Variants in ERICH1 observed in about 807,000 individuals in gnomAD.
ERICH1 encodes the protein glutamate-rich protein 1.
Under a neutral mutation model 39.6 loss-of-function variants are expected in ERICH1, and 56 were observed. The observed-to-expected ratio is 1.41, with a 90% confidence interval of 1.14 to 1.77. The LOEUF is 1.77. ERICH1 is among the 40% of genes most tolerant of loss of function. The probability of loss-of-function intolerance (pLI) is 0.00; values close to 1 mark genes in which losing one functional copy is unlikely to be tolerated. For synonymous variants in ERICH1, 313 were observed against 223.6 expected (o/e 1.40, Z -3.57); for missense variants, 826 against 575.4 (o/e 1.44, Z -4.45).
At position 650,068 on chromosome 8, in the gene ERICH1, C is replaced by G. The variant is rs938903550; in HGVS notation, c.976+18530G>C. ...ACCTGCGTGTCCTGCTCTCGGCTTT[C>G]GTGCCGGTTCAGAAGAACAAGGCCG... On this transcript the variant is annotated intron_variant, in intron 3 of 3. Coordinates refer to the ERICH1 transcript ENST00000522706. Among the ~76,000 whole-genome samples, 3 of 152,236 alleles carry G rather than the reference C, an allele frequency of 2.0e-5. No homozygotes were observed. In the South Asian group the frequency reaches 6.2e-4, roughly 31 times the overall value.
intron 3 of ERICH1, among the ~76,000 whole-genome samples, chr8:652,712 C>T (rs1800130064): frequency 1.3e-5 from 2 of 152,092 alleles, no homozygotes; most frequent in South Asian, 4.1e-4. Context: ...CTTGGAGAGA[C>T]CAGGGGCACA....
intron 3 of ERICH1, among the ~76,000 whole-genome samples, chr8:677,032 T>C (rs1425968198): frequency 6.6e-6 from 1 of 152,208 alleles, no homozygotes; most frequent in African/African-American, 2.4e-5. Context: ...CGGTTTCCTA[T>C]TCTCCTCTGT....
intron 3 of ERICH1, among the ~76,000 whole-genome samples, chr8:619,098 G>T (rs574850066): frequency 5.0e-4 from 76 of 152,180 alleles, no homozygotes; most frequent in Admixed American, 1.8e-3. Context: ...GAAAATGGAA[G>T]CTCTGCTCTC....
At chr8:651,832 G>A (rs1455800180) in intron 3 of ERICH1, among the ~76,000 whole-genome samples, 2 of 152,142 alleles carry the variant, frequency 1.3e-5, no homozygotes, top group South Asian at 2.1e-4. Flanking sequence ...CTCGGAAATC[G>A]GTGAGGAAAG....
intron 3 of ERICH1, among the ~76,000 whole-genome samples, chr8:689,648 T>G (rs537897729): frequency 9.6e-4 from 146 of 152,258 alleles, no homozygotes; most frequent in African/African-American, 3.3e-3. Flanking sequence ...CATTTTCTTC[T>G]AAAAATTACA....
At chr8:629,038 A>C (rs2117084932) in intron 3 of ERICH1, among the ~76,000 whole-genome samples, 1 of 152,268 alleles carries the variant, frequency 6.6e-6, no homozygotes, top group South Asian at 2.1e-4. Flanking sequence ...GGCCATGCAA[A>C]CCCAGACAGC....
chr8:731,210 A>T lies in ERICH1; in HGVS notation c.-49T>A. The T allele has an allele frequency of 7.0e-7, 1 of 1,421,374 alleles. No homozygotes were observed. Among genetic ancestry groups the T allele is most frequent in the Non-Finnish European group, 9.2e-7 (1 of 1,088,902 alleles). 88.0% of individuals were successfully genotyped at this position (1,421,374 alleles called of 1,614,324 possible). A position where few individuals can be genotyped will look rare whatever the true frequency, so the allele number is the denominator to read the frequency against. On this transcript the variant is annotated 5_prime_UTR_variant, in exon 1 of 6. Transcript: ENST00000262109. ...GACCACGGCGCGCGGTCCTGAGCTG[A>T]GCGCCGTGCCTTCCGGGTTCCGCCC...
intron 2 of ERICH1, among the ~76,000 whole-genome samples, chr8:704,641 G>T (rs574458103): frequency 6.6e-6 from 1 of 152,132 alleles, no homozygotes; most frequent in African/African-American, 2.4e-5. Context: ...AAATCATATT[G>T]GAAGGACGGG....
Position 664,626 on chromosome 8 carries a change from G to A in ERICH1, c.1309C>T (p.Leu437Phe), listed in dbSNP as rs780900867. Reference protein sequence around the residue: ...AFFSYWITHILPEKSSD With the variant: ...AFFSYWITHIFPEKSSD ...TTTTAGTCACTGCTCTTCTCAGGAA[G>A]GATATGTGTGATCCAGTAACTAAAG... The change falls in exon 6 of 6, where the codon CTT (leucine) becomes TTT (phenylalanine). Residue 437 changes from leucine (L) to phenylalanine (F), a missense_variant. By Grantham distance (22) the Leu-to-Phe change is conservative. Coordinates refer to ENST00000262109, the MANE Select transcript of ERICH1 (RefSeq NM_207332.3). The A allele has an allele frequency of 1.2e-6, 2 of 1,612,828 alleles. No homozygotes were observed. The highest frequency in any genetic ancestry group is 4.5e-5 in the East Asian group (2 of 44,850).
At chr8:617,420 G>T (rs1348234737) in intron 3 of ERICH1, among the ~76,000 whole-genome samples, 1 of 152,178 alleles carries the variant, frequency 6.6e-6, no homozygotes, top group East Asian at 1.9e-4. Context: ...CTACCTGCGT[G>T]TTTATCCATT....
intron 3 of ERICH1, among the ~76,000 whole-genome samples, chr8:690,543 T>G (rs1401084341): frequency 1.3e-5 from 2 of 152,228 alleles, no homozygotes; most frequent in Non-Finnish European, 2.9e-5. Context: ...CTAGATGGCC[T>G]CCGGGAGGGT....
chr8:706,633 G>C (rs529036032), intron 2 of ERICH1, among the ~76,000 whole-genome samples: 81 of 152,208 alleles, frequency 5.3e-4, no homozygotes, highest in Non-Finnish European at 9.9e-4. Context: ...AAAAAAATTA[G>C]TCGGACGTGG....
In ERICH1 at chr8:666,372, C is replaced by T. The variant is rs76540141; in HGVS notation, c.1259-1696G>A. On this transcript the variant is annotated intron_variant, in intron 5 of 5. Transcript: ENST00000262109. ...ACATAATAAAATCAGCTTTTTTTTGCGGTTTGAGATAAATCTGATTATGGA... is the reference window on the plus strand; with the variant it reads ...ACATAATAAAATCAGCTTTTTTTTGTGGTTTGAGATAAATCTGATTATGGA... 3.6e-3 allele frequency: 547 copies of T among 152,082 alleles called. 9 individuals carry two copies. Among genetic ancestry groups the T allele is most frequent in the Admixed American group, 0.026 (403 of 15,288 alleles). 9.4% of individuals were successfully genotyped at this position (152,082 alleles called of 1,614,324 possible).
Position 619,976 on chromosome 8 carries a change from A to G in ERICH1, c.977-4692T>C, listed in dbSNP as rs1584930478. Among the ~76,000 whole-genome samples, 3 of 152,340 alleles carry G rather than the reference A, an allele frequency of 2.0e-5. No individual in the cohort carries two copies. In the East Asian group the frequency reaches 5.8e-4, roughly 29 times the overall value. ...CATTATAAAATAGCCACTTAATATG[A>G]AAAAGCAATAAAAGAAAATGGAGGA... On this transcript the variant is annotated intron_variant, in intron 3 of 3. Transcript: ENST00000522706.
rs1554526139 is a variant in ERICH1, at chr8:708,680, A to AGTTTTTT, written c.169+7174_169+7180dup. Among the ~76,000 whole-genome samples, 305 of 55,072 alleles carry AGTTTTTT rather than the reference A, an allele frequency of 5.5e-3. 4 individuals carry two copies. Among genetic ancestry groups the AGTTTTTT allele is most frequent in the South Asian group, 0.029 (31 of 1,084 alleles). 36.1% of individuals were successfully genotyped at this position (55,072 alleles called of 152,430 possible). On this transcript the variant is annotated intron_variant, in intron 2 of 5. Coordinates refer to ENST00000262109, the MANE Select transcript of ERICH1 (RefSeq NM_207332.3). ...GGGGCTGAGTGGTTACGGGATAATG[A>AGTTTTTT]GTTTTTTTTTTTTTTTTTTTTTTTT...
chr8:634,352 G>C (rs536078334), intron 3 of ERICH1, among the ~76,000 whole-genome samples: 1 of 152,190 alleles, frequency 6.6e-6, no homozygotes, highest in Non-Finnish European at 1.5e-5. Flanking sequence ...GCGTCGTGGA[G>C]CGCTTGGAAC....
At chr8:649,728 C>T (rs1799701084) in intron 3 of ERICH1, among the ~76,000 whole-genome samples, 1 of 152,176 alleles carries the variant, frequency 6.6e-6, no homozygotes, top group Admixed American at 6.5e-5. Context: ...GCCCTGTGGC[C>T]CCTGGCTGAG....
chr8:718,684 G>A (rs558104534), intron 1 of ERICH1, among the ~76,000 whole-genome samples: 116 of 152,322 alleles, frequency 7.6e-4, no homozygotes, highest in African/African-American at 2.6e-3. Context: ...TGTAACACAG[G>A]CATTTCTCTC....
intron 1 of ERICH1, among the ~76,000 whole-genome samples, chr8:722,970 T>A (rs1414147823): frequency 6.6e-6 from 1 of 152,246 alleles, no homozygotes; most frequent in Non-Finnish European, 1.5e-5. Context: ...GGTTTGGATG[T>A]GTCCCCTCCA....
Sources: gnomAD v4.1 joint callset for allele counts (sites outside exome capture counted in the v4.1 genomes callset) on GRCh38, gnomAD v4.1.1 for gene constraint, MANE v1.5 for transcripts, NCBI Gene and HGNC (gene_info 2026-07-23, HGNC 2026-07-21) for gene names.